The following SYNE2 variants were observed in gnomAD, a reference collection of about 807,000 sequenced individuals.
SYNE2 encodes nesprin-2.
In SYNE2, 431 loss-of-function variants were observed where a neutral mutation model predicts 856.3. That is an observed-to-expected ratio of 0.50 (90% CI 0.47 to 0.55). The LOEUF is 0.55. Ranked by LOEUF, SYNE2 falls within the 20% of genes least tolerant of loss-of-function variation. SYNE2 has a pLI of 0.00. For synonymous variants in SYNE2, 2,923 were observed against 2,872.3 expected, an observed-to-expected ratio of 1.02 and a Z score of -0.56; for missense variants, 8,129 against 8,023.2, an observed-to-expected ratio of 1.01 and a Z score of -0.50.
chr14:64,126,870 GC>G, intron 73 of SYNE2, 63 bp downstream of exon 73: 1 of 1,492,766 alleles, frequency 6.7e-7, no homozygotes, highest in Non-Finnish European at 9.2e-7. Flanking sequence ...AACCCCTAAT[GC>G]CTATTCCTAT....
At chr14:64,013,102 C>T (rs559718038) in intron 32 of SYNE2, among the ~76,000 whole-genome samples, 22 of 152,316 alleles carry the variant, frequency 1.4e-4, no homozygotes, top group African/African-American at 5.3e-4. Flanking sequence ...CTTTATTTTA[C>T]TCCTTCCATT....
In SYNE2 at chr14:64,158,728, G is replaced by T; in HGVS notation, c.15896G>T (p.Cys5299Phe). ...ATGATGACAATCCGATTCTGGTACT[G>T]CATGGAACACAGCAAGCCTGTGGTG... ...VNMMTIRFWY[C>F]MEHSKPVVLS... Residue 5299 changes from cysteine (C) to phenylalanine (F), a missense_variant, in exon 86 of 116, where the codon TGC (cysteine) becomes TTC (phenylalanine). Around this residue, in one of 3 missense-constraint regions of SYNE2, gnomAD observed 5,410 missense variants for 5,284.8 expected, o/e 1.02. Transcript: ENST00000555002. The T allele has an allele frequency of 6.2e-7, 1 of 1,614,002 alleles. No individual in the cohort carries two copies. Among genetic ancestry groups the T allele is most frequent in the Non-Finnish European group, 8.5e-7 (1 of 1,179,924 alleles).
In SYNE2 at chr14:64,170,426, C is replaced by T; in HGVS notation, c.17199C>T (p.Ser5733=). ...CAGTGAAGGGCCAGGAGCGCTTCAG[C>T]CTCTACCAAACCAGAAGTCTGATCC... The part of the protein sequence containing the change: ...LSAVKGQERF[S]LYQTRSLIHE... Residue 5733 remains serine (S), a synonymous_variant, in exon 94 of 116, where the codon AGC becomes AGT. Coordinates refer to ENST00000555002, the MANE Select transcript of SYNE2 (RefSeq NM_182914.3). The T allele has an allele frequency of 6.2e-7, 1 of 1,613,738 alleles. No individual in the cohort carries two copies. Among genetic ancestry groups the T allele is most frequent in the Non-Finnish European group, 8.5e-7 (1 of 1,179,882 alleles).
rs2098510980 is a variant in SYNE2 at position 64,190,048 on chromosome 14, T to G, written c.17872-23T>G. The stretch of plus-strand genomic sequence containing the variant: ...TGAGTTTGGGCTAATTAGCCAGGCT[T>G]TATGTTTTGGTGCCTTTGCCAGGAC... On this transcript the variant is annotated intron_variant, in intron 98 of 115. Coordinates refer to ENST00000555002, the MANE Select transcript of SYNE2 (RefSeq NM_182914.3). 8 of 1,613,812 alleles carry G rather than the reference T, an allele frequency of 5.0e-6. No individual in the cohort carries two copies. The East Asian group carries it at 1.8e-4, about 36-fold the overall frequency.
intron 67 of SYNE2, 130 bp downstream of exon 67, chr14:64,119,739 A>G: frequency 3.4e-6 from 3 of 870,480 alleles, no homozygotes; most frequent in Non-Finnish European, 5.3e-6. Context: ...AATTTCACAC[A>G]TTAACACCAT....
At chr14:63,970,651 C>CTTTTTTTTTTTTTTTT (rs61126600) in intron 11 of SYNE2, among the ~76,000 whole-genome samples, 6 of 98,890 alleles carry the variant, frequency 6.1e-5, no homozygotes, top group Admixed American at 1.2e-4. Context: ...TTTCTTTTTT[C>CTTTTTTTTTTTTTTTT]TTTTTTTTTT....
At chr14:63,901,801 G>A (rs985318639) in intron 1 of SYNE2, among the ~76,000 whole-genome samples, 2 of 152,134 alleles carry the variant, frequency 1.3e-5, no homozygotes, top group African/African-American at 4.8e-5. Flanking sequence ...GCGTGTGCCT[G>A]TAGTTCTAGC....
At chr14:63,823,182 C>CTT (rs775294170) in intron 1 of SYNE2, among the ~76,000 whole-genome samples, 1 of 144,368 alleles carries the variant, frequency 6.9e-6, no homozygotes, top group Non-Finnish European at 1.5e-5. Flanking sequence ...TCTACCAAAT[C>CTT]TTTTTTTTTT....
At position 64,218,445 on chromosome 14, in the gene SYNE2, G is replaced by A. The variant is rs762795556; in HGVS notation, c.19590G>A (p.Pro6530=). Reference sequence around the variant, plus strand: ...GCACGGATGGTGGCAAAGAAGGCCCGCGAGTCCTGAATGGCAACCCACAGC... The same window carrying A: ...GCACGGATGGTGGCAAAGAAGGCCCACGAGTCCTGAATGGCAACCCACAGC... ...PPGTDGGKEG[P]RVLNGNPQQE... The change falls in exon 109 of 116, where the codon CCG becomes CCA. Residue 6530 remains proline, a synonymous_variant. Transcript: ENST00000555002. The A allele has an allele frequency of 2.8e-5, 45 of 1,613,984 alleles. No homozygotes were observed. The South Asian group carries it at 3.8e-4, about 14-fold the overall frequency.
At chr14:63,865,669 G>A (rs1185105762) in intron 1 of SYNE2, among the ~76,000 whole-genome samples, 1 of 138,676 alleles carries the variant, frequency 7.2e-6, no homozygotes. Context: ...CCGAGATCAC[G>A]CCACTGCACT....
intron 53 of SYNE2, among the ~76,000 whole-genome samples, chr14:64,075,162 C>CA (rs2097448127): frequency 6.6e-6 from 1 of 152,172 alleles, no homozygotes; most frequent in Non-Finnish European, 1.5e-5. Context: ...AATCATTCTT[C>CA]AGTACAGTGA....
At chr14:63,817,722 C>G (rs991578893) in intron 1 of SYNE2, among the ~76,000 whole-genome samples, 1 of 152,238 alleles carries the variant, frequency 6.6e-6, no homozygotes, top group Non-Finnish European at 1.5e-5. Context: ...ATATCCATTT[C>G]AGACCTAAAA....
In SYNE2 at chr14:63,978,855, C is replaced by A; in HGVS notation, c.1410C>A (p.Ile470=). 6.2e-7 allele frequency: 1 copy of A among 1,611,486 alleles called. No individual in the cohort carries two copies. Among genetic ancestry groups the A allele is most frequent in the South Asian group, 1.1e-5 (1 of 90,860 alleles). ...PNKLEEMKRR[I]NNILEKKFIL... ...CAAAACCTGCACTGTTTTCCAGAAT[C>A]AACAACATTTTGGAGAAAAAATTTA... The change falls in exon 14 of 116, where the codon ATC becomes ATA. Residue 470 remains isoleucine, a synonymous_variant. Coordinates refer to ENST00000555002, the MANE Select transcript of SYNE2 (RefSeq NM_182914.3).
rs189531904 is a variant in SYNE2, at chr14:63,835,232, T to C, written c.-304-17269T>C. 4.7e-3 allele frequency among the ~76,000 whole-genome samples: 709 copies of C among 152,230 alleles called. 1 individual carries two copies. The highest frequency in any genetic ancestry group is 7.1e-3 in the Non-Finnish European group (480 of 68,008). On this transcript the variant is annotated intron_variant, in intron 1 of 23. Transcript: ENST00000674003. ...AAAGTACATATTGATATTTTTATTT[T>C]TTATTTCTGTTTTTATTTTTTGAGG...
chr14:64,065,763 C>A, intron 51 of SYNE2, 113 bp downstream of exon 51: 2 of 1,152,906 alleles, frequency 1.7e-6, no homozygotes, highest in Non-Finnish European at 2.5e-6. Flanking sequence ...ACCATTTGTG[C>A]ACATCACTTA....
intron 6 of SYNE2, among the ~76,000 whole-genome samples, chr14:63,947,106 T>C (rs1319318873): frequency 6.6e-6 from 1 of 152,150 alleles, no homozygotes; most frequent in East Asian, 1.9e-4. Flanking sequence ...TGCCTTGGCC[T>C]CCCAAAGTGC....
intron 98 of SYNE2, among the ~76,000 whole-genome samples, chr14:64,189,788 C>T (rs565806524): frequency 6.6e-6 from 1 of 152,240 alleles, no homozygotes; most frequent in Non-Finnish European, 1.5e-5. Context: ...CCTCCCACCT[C>T]AGCCACCTGA....
At position 63,954,760 on chromosome 14, in the gene SYNE2, G is replaced by C; in HGVS notation, c.632G>C (p.Arg211Thr). The change falls in exon 8 of 116, where the codon AGA becomes ACA. Residue 211 changes from arginine to threonine, a missense_variant. Arg to Thr is a moderately conservative substitution (Grantham distance 71). Transcript: ENST00000555002. The stretch of plus-strand genomic sequence containing the variant: ...GTGACCGATTTTAAGTCAAGTTGGA[G>C]AAATGGGATGGCTTTTTTGGCCATC... ...VNVTDFKSSW[R>T]NGMAFLAIIH... The C allele has an allele frequency of 6.2e-7, 1 of 1,614,040 alleles. No homozygotes were observed. The highest frequency in any genetic ancestry group is 1.1e-5 in the South Asian group (1 of 91,076).
intron 57 of SYNE2, among the ~76,000 whole-genome samples, chr14:64,082,663 GCTCC>G (rs1441863833): frequency 1.2e-4 from 18 of 152,176 alleles, no homozygotes; most frequent in African/African-American, 3.9e-4. Flanking sequence ...CATCCTTGTG[GCTCC>G]CTGTAAGGAG....
Sources: gnomAD v4.1 joint callset for allele counts (sites outside exome capture counted in the v4.1 genomes callset) on GRCh38, gnomAD v4.1.1 for gene constraint, gnomAD v4.1.1 regional missense constraint, MANE v1.5 for transcripts, NCBI Gene and HGNC (gene_info 2026-07-23, HGNC 2026-07-21) for gene names.